Variants in MROH1 observed in about 807,000 individuals in gnomAD.
MROH1 encodes maestro heat like repeat family member 1.
Under a neutral mutation model 116.5 loss-of-function variants are expected in MROH1, and 117 were observed. That is an observed-to-expected ratio of 1.00 (90% CI 0.86 to 1.17). The LOEUF (loss-of-function observed/expected upper bound fraction) is 1.17. MROH1 is among the 50% of genes most tolerant of loss of function. The pLI, the probability that MROH1 is intolerant of heterozygous loss-of-function variation, is 0.00. For synonymous variants in MROH1, 921 were observed against 583.9 expected, an observed-to-expected ratio of 1.58 and a Z score of -8.32; for missense variants, 1,873 against 1,338.5, an observed-to-expected ratio of 1.40 and a Z score of -6.23.
At chr8:144,247,194 A>G in intron 29 of MROH1, 107 bp from the exon 30 acceptor site, 1 of 692,946 alleles carries the variant, frequency 1.4e-6, no homozygotes, top group East Asian at 2.7e-5. Flanking sequence ...CTTCGTGGAC[A>G]CCAGCAGCAC....
chr8:144,148,139 G>C (rs1452047126), intron 1 of MROH1, 63 bp downstream of exon 1: 1 of 152,322 alleles, frequency 6.6e-6, no homozygotes, highest in Non-Finnish European at 1.5e-5. Context: ...GGGAAGTCTG[G>C]GCTGAAGAGC....
intron 34 of MROH1, among the ~76,000 whole-genome samples, 177 bp from the exon 35 acceptor site, chr8:144,255,332 C>G (rs988099731): frequency 6.6e-5 from 10 of 152,358 alleles, no homozygotes; most frequent in Non-Finnish European, 1.0e-4. Flanking sequence ...TCTCCTGCCT[C>G]TACCCCTGAG....
chr8:144,240,714 G>T, intron 20 of MROH1, 37 bp downstream of exon 20: 1 of 711,162 alleles, frequency 1.4e-6, no homozygotes, highest in South Asian at 1.5e-5. Flanking sequence ...GTGGTACTTG[G>T]GCTCCGAGTT....
rs775132950 is a variant in MROH1, at chr8:144,199,225, C to T, written c.1027+25C>T. 3.1e-6 allele frequency: 5 copies of T among 1,606,196 alleles called. No individual in the cohort carries two copies. The Admixed American group carries it at 8.5e-5, about 27-fold the overall frequency. On this transcript the variant is annotated intron_variant, in intron 11 of 43. Coordinates refer to ENST00000326134, the MANE Select transcript of MROH1 (RefSeq NM_032450.3). ...GGTGAGTGGTGGGCCCAGCTTTGCC[C>T]ATGGGCATCTGTGGACACTCACAGG...
Position 144,238,894 on chromosome 8 carries a change from G to A in MROH1, c.1446+31G>A, listed in dbSNP as rs954007041. 3.5e-3 allele frequency: 2,708 copies of A among 770,346 alleles called. 8 individuals are homozygous for A. The highest frequency in any genetic ancestry group is 9.6e-3 in the Middle Eastern group (37 of 3,838). 47.7% of individuals were successfully genotyped at this position (770,346 alleles called of 1,614,324 possible). The stretch of plus-strand genomic sequence containing the variant: ...TGCACGGCACCCGTCCCTGCCTGGC[G>A]ACAACAGAGCTCTCCAGGGCAGTGG... On this transcript the variant is annotated intron_variant, in intron 15 of 43. Coordinates refer to ENST00000326134, the MANE Select transcript of MROH1 (RefSeq NM_032450.3).
rs1825888688 is a variant in MROH1 at position 144,182,201 on chromosome 8, G to C, written c.562+1678G>C. ...GGCAGGCCTGCGTCCACTGCGGGAG[G>C]GTGCAGGTCCAGCCAGGACAGGCAG... On this transcript the variant is annotated intron_variant, in intron 7 of 43. Transcript: ENST00000326134. This position sits in a 1 kb window ranked among gnomAD's most constrained non-coding sequence, Gnocchi z 4.1. 6.6e-6 allele frequency among the ~76,000 whole-genome samples: 1 copy of C among 152,202 alleles called. No individual in the cohort carries two copies. Among genetic ancestry groups the C allele is most frequent in the African/African-American group, 2.4e-5 (1 of 41,460 alleles).
rs1394318965 is a variant in MROH1, at chr8:144,163,311, C to T, written c.-56-460C>T. Among the ~76,000 whole-genome samples, 6 of 152,140 alleles carry T rather than the reference C, an allele frequency of 3.9e-5. No homozygotes were observed. Among genetic ancestry groups the T allele is most frequent in the East Asian group, 1.9e-4 (1 of 5,200 alleles). On this transcript the variant is annotated intron_variant, in intron 2 of 43. Transcript: ENST00000326134. The surrounding 1 kb of genome is among the most constrained non-coding windows in gnomAD (Gnocchi z 4.4). ...GTGACACAAGACTTGAATGTGTGTCCGTGGTGAAGAGGCAGAGGGAACTTG... is the reference window on the plus strand; with the variant it reads ...GTGACACAAGACTTGAATGTGTGTCTGTGGTGAAGAGGCAGAGGGAACTTG...
intron 10 of MROH1, among the ~76,000 whole-genome samples, chr8:144,194,986 G>C (rs1829484336): frequency 6.6e-6 from 1 of 151,738 alleles, no homozygotes. Flanking sequence ...TTCTACACCA[G>C]CACTGACCAG....
At chr8:144,234,548 G>T in intron 14 of MROH1, among the ~76,000 whole-genome samples, 2 of 45,924 alleles carry the variant, frequency 4.4e-5, no homozygotes, top group African/African-American at 5.9e-5. Flanking sequence ...AAAGAGTCTT[G>T]CTCTGTCTCC....
At position 144,261,106 on chromosome 8, in the gene MROH1, C is replaced by T. The variant is rs1478761684; in HGVS notation, c.4672-8C>T. The T allele has an allele frequency of 1.3e-6, 1 of 775,484 alleles. No homozygotes were observed. 48.0% of individuals were successfully genotyped at this position (775,484 alleles called of 1,614,324 possible). On this transcript the variant is annotated splice_polypyrimidine_tract_variant and splice_region_variant and intron_variant, in intron 41 of 43. Coordinates refer to ENST00000326134, the MANE Select transcript of MROH1 (RefSeq NM_032450.3). ...GGGCCAGGCGGCACTGACCAGGCCT[C>T]TCCCCAGATGCACCATTTCCCAGAC...
chr8:144,232,434 CTG>C (rs1302730511), intron 14 of MROH1, among the ~76,000 whole-genome samples: 17 of 151,844 alleles, frequency 1.1e-4, no homozygotes, highest in Non-Finnish European at 2.2e-4. Context: ...CTTCTTTTGA[CTG>C]TTAGTATGGT....
In MROH1 at chr8:144,261,829, C is replaced by G. The variant is rs957752241; in HGVS notation, c.*89C>G. 1.1e-5 allele frequency: 8 copies of G among 699,796 alleles called. No homozygotes were observed. The highest frequency in any genetic ancestry group is 1.8e-5 in the Non-Finnish European group (7 of 384,386). The allele number at this position is 699,796 out of a possible 1,614,324, so 43.3% of individuals were successfully genotyped here. A position where few individuals can be genotyped will look rare whatever the true frequency, so the allele number is the denominator to read the frequency against. On this transcript the variant is annotated 3_prime_UTR_variant, in exon 44 of 44. Transcript: ENST00000326134. ...GGCCTCCTGAGGACCACAGCCTGGGCACACGACTGGAGGGGCCTGGCCCCA... is the reference window on the plus strand; with the variant it reads ...GGCCTCCTGAGGACCACAGCCTGGGGACACGACTGGAGGGGCCTGGCCCCA...
intron 13 of MROH1, among the ~76,000 whole-genome samples, chr8:144,221,091 G>A (rs1338372609): frequency 3.3e-5 from 5 of 152,170 alleles, no homozygotes; most frequent in East Asian, 1.9e-4. Flanking sequence ...CCCTGGGGTC[G>A]CGGACAGTGT....
At chr8:144,257,475 G>T (rs1380904060) in intron 35 of MROH1, among the ~76,000 whole-genome samples, 1 of 152,080 alleles carries the variant, frequency 6.6e-6, no homozygotes, top group Non-Finnish European at 1.5e-5. Context: ...CAGCTCTCAG[G>T]CCGCCTCATT....
At chr8:144,234,586 G>A (rs1207353137) in intron 14 of MROH1, among the ~76,000 whole-genome samples, 4 of 120,886 alleles carry the variant, frequency 3.3e-5, no homozygotes, top group East Asian at 2.5e-4. Context: ...GCACAGTCTC[G>A]GCTCACTGCA....
At chr8:144,209,588 AAAAG>A (rs1278907241) in intron 12 of MROH1, among the ~76,000 whole-genome samples, 2 of 150,754 alleles carry the variant, frequency 1.3e-5, no homozygotes, top group Middle Eastern at 3.4e-3. Context: ...CAAAAAAAAA[AAAAG>A]AAAAAAGAAA....
At chr8:144,167,404 C>T (rs1480936219) in intron 3 of MROH1, among the ~76,000 whole-genome samples, 6 of 113,468 alleles carry the variant, frequency 5.3e-5, no homozygotes, top group African/African-American at 1.2e-4. Context: ...GTGGAGTGGC[C>T]GGTTGTTGGG....
intron 10 of MROH1, among the ~76,000 whole-genome samples, chr8:144,196,486 A>G (rs2131704405): frequency 6.6e-6 from 1 of 151,326 alleles, no homozygotes; most frequent in Middle Eastern, 3.4e-3. Context: ...CCTCCCGAGT[A>G]GCTGGGATTA....
intron 12 of MROH1, among the ~76,000 whole-genome samples, chr8:144,208,990 C>G (rs1833472257): frequency 1.3e-5 from 2 of 151,530 alleles, no homozygotes; most frequent in Admixed American, 6.6e-5. Context: ...TCCCAAAGTG[C>G]TGGCATTACA....
Sources: allele counts gnomAD v4.1 joint callset (sites outside exome capture counted in the v4.1 genomes callset), GRCh38; gene constraint gnomAD v4.1.1; non-coding constraint Gnocchi (gnomAD v3.1); transcripts MANE v1.5; gene names NCBI Gene and HGNC (gene_info 2026-07-23, HGNC 2026-07-21).